The following MTRFR variants were observed in gnomAD, a reference collection of about 807,000 sequenced individuals.
MTRFR encodes mitochondrial translation release factor in rescue, also known as probable peptide chain release factor C12orf65, mitochondrial.
MTRFR carries 10 observed loss-of-function variants against 11.9 expected under a neutral mutation model. That is an observed-to-expected ratio of 0.84 (90% CI 0.52 to 1.42). MTRFR has a LOEUF of 1.42. Among genes scored for constraint, MTRFR ranks in the 40% most tolerant of loss-of-function variants. The pLI is 0.00. For missense variants in MTRFR, 196 were observed against 197.9 expected (o/e 0.99, Z 0.06); for synonymous variants, 77 against 79.1 (o/e 0.97, Z 0.14).
chr12:123,233,247 TCCAA>T (rs942338136), upstream of MTRFR: 35 of 152,188 alleles, frequency 2.3e-4, no homozygotes, highest in African/African-American at 8.0e-4. Context: ...CTCGCGCAGC[TCCAA>T]CCAAAGAGAG....
chr12:123,233,098 T>C (rs968025470), upstream of MTRFR: 16 of 152,188 alleles, frequency 1.1e-4, no homozygotes, highest in African/African-American at 3.6e-4. Context: ...CCGCTGCCGA[T>C]GTCAGGGTCA....
Position 123,256,993 on chromosome 12 carries a change from C to T in MTRFR, c.463C>T (p.Leu155Phe). The T allele has an allele frequency of 6.2e-7, 1 of 1,612,498 alleles. No individual in the cohort carries two copies. Among genetic ancestry groups the T allele is most frequent in the Non-Finnish European group, 8.5e-7 (1 of 1,179,776 alleles). ...AKETLEKKKL[L>F]KELWESSKKV... is the part of the protein sequence containing the mutation. ...GGAAACCCTGGAAAAAAAGAAGCTA[C>T]TTAAAGAACTGTGGGAGTCAAGTAA... The change falls in exon 3 of 3, where the codon CTT becomes TTT. Residue 155 changes from leucine (L) to phenylalanine (F), a missense_variant. Leu to Phe is a conservative substitution (Grantham distance 22). Transcript: ENST00000253233.
chr12:123,241,233 C>T (rs118093046), intron 1 of MTRFR, among the ~76,000 whole-genome samples: 4,768 of 151,522 alleles, frequency 0.031, 162 homozygotes, highest in Admixed American at 0.098. Context: ...TTCATGGGCT[C>T]CTCCCACCTC....
At chr12:123,245,375 G>T (rs1355361690) in intron 1 of MTRFR, among the ~76,000 whole-genome samples, 1 of 152,050 alleles carries the variant, frequency 6.6e-6, no homozygotes, top group African/African-American at 2.4e-5. Flanking sequence ...CTCTATTTTG[G>T]TTCCGTATGA....
In MTRFR at chr12:123,233,494, C is replaced by G. The variant is rs1042625352; in HGVS notation, c.-66C>G. 1 of 152,282 alleles carries G rather than the reference C, an allele frequency of 6.6e-6. No individual in the cohort carries two copies. Among genetic ancestry groups the G allele is most frequent in the African/African-American group, 2.4e-5 (1 of 41,472 alleles). The allele number at this position is 152,282 out of a possible 1,614,324, so 9.4% of individuals were successfully genotyped here. On this transcript the variant is annotated 5_prime_UTR_variant, in exon 1 of 3. Coordinates refer to ENST00000253233, the MANE Select transcript of MTRFR (RefSeq NM_152269.5). ...CTCCGCTGAGGTGATTTGGATATCC[C>G]TAGAACGTTGAGGGCACGAGTCGGG...
chr12:123,256,346 A>C (rs1478140305), intron 2 of MTRFR, among the ~76,000 whole-genome samples: 2 of 152,216 alleles, frequency 1.3e-5, no homozygotes, highest in African/African-American at 4.8e-5. Flanking sequence ...AAACAATCAC[A>C]CTGAAAGCCA....
rs538804885 is a variant in MTRFR, at chr12:123,235,531, A to AT, written c.-29+2014dup. 2.0e-3 allele frequency among the ~76,000 whole-genome samples: 289 copies of AT among 141,244 alleles called. 2 individuals are homozygous for AT. Among genetic ancestry groups the AT allele is most frequent in the African/African-American group, 3.2e-3 (124 of 38,614 alleles). The allele number at this position is 141,244 out of a possible 152,430, so 92.7% of individuals were successfully genotyped here. On this transcript the variant is annotated intron_variant, in intron 1 of 2. Transcript: ENST00000253233. The stretch of plus-strand genomic sequence containing the variant: ...AGGTGCCTGCCACCAGGCCCAGCTA[A>AT]TTTTTTTTTTTTTTGTATTTTTAGT...
chr12:123,234,431 T>G (rs949281455), intron 1 of MTRFR, among the ~76,000 whole-genome samples: 4 of 152,122 alleles, frequency 2.6e-5, no homozygotes, highest in Non-Finnish European at 4.4e-5. Context: ...GGTCTCTCTC[T>G]GTCACCCAGG....
intron 1 of MTRFR, chr12:123,243,715 TAAAA>T (rs902974336): frequency 3.3e-5 from 5 of 151,668 alleles, no homozygotes; most frequent in Non-Finnish European, 7.4e-5. Context: ...AAATAAAAAA[TAAAA>T]AAGAAATAGC....
intron 1 of MTRFR, among the ~76,000 whole-genome samples, chr12:123,251,747 G>T (rs547007288): frequency 6.6e-6 from 1 of 152,276 alleles, no homozygotes; most frequent in Admixed American, 6.5e-5. Context: ...GGTCCTCTCA[G>T]GATTGCTGGT....
intron 1 of MTRFR, among the ~76,000 whole-genome samples, chr12:123,237,194 C>G (rs914402489): frequency 2.0e-5 from 3 of 152,126 alleles, no homozygotes; most frequent in Non-Finnish European, 2.9e-5. Context: ...CTGTGGCTCA[C>G]GCCTGTAATC....
chr12:123,238,537 G>A (rs1358014962), intron 1 of MTRFR, among the ~76,000 whole-genome samples: 2 of 152,152 alleles, frequency 1.3e-5, no homozygotes, highest in East Asian at 1.9e-4. Flanking sequence ...TTTTGAGACC[G>A]AGGCAGGCAG....
At chr12:123,246,026 T>A (rs2048034758) in intron 1 of MTRFR, among the ~76,000 whole-genome samples, 1 of 152,176 alleles carries the variant, frequency 6.6e-6, no homozygotes, top group African/African-American at 2.4e-5. Flanking sequence ...TTGAGTATTA[T>A]GTTGGCTGTG....
rs185429244 is a variant in MTRFR, at chr12:123,251,877, A to C, written c.-28-1770A>C. Among the ~76,000 whole-genome samples, 10 of 152,284 alleles carry C rather than the reference A, an allele frequency of 6.6e-5. No homozygotes were observed. In the East Asian group the frequency reaches 1.9e-3, roughly 29 times the overall value. On this transcript the variant is annotated intron_variant, in intron 1 of 2. Coordinates refer to ENST00000253233, the MANE Select transcript of MTRFR (RefSeq NM_152269.5). ...CTATGATCCCAGGAGCTCCCATGCA[A>C]ATAAATTATGATCACAAGGTCCCAA...
At chr12:123,233,798 AC>A (rs1207691824) in intron 1 of MTRFR, 2 of 152,648 alleles carry the variant, frequency 1.3e-5, no homozygotes, top group Non-Finnish European at 2.9e-5. Context: ...AGGAGAGACT[AC>A]CGTCCTGGAG....
intron 1 of MTRFR, among the ~76,000 whole-genome samples, chr12:123,246,712 T>A (rs1180744678): frequency 1.9e-4 from 1 of 5,364 alleles, no homozygotes; most frequent in Non-Finnish European, 6.0e-3. Flanking sequence ...AATTTCAATT[T>A]TTTTTTTTTT....
intron 1 of MTRFR, among the ~76,000 whole-genome samples, chr12:123,236,858 C>T (rs2047859169): frequency 6.6e-6 from 1 of 151,758 alleles, no homozygotes; most frequent in Non-Finnish European, 1.5e-5. Flanking sequence ...CCGAGGCGGG[C>T]GGATCGCCTG....
In MTRFR at chr12:123,257,619, G is replaced by A. The variant is rs546970479; in HGVS notation, c.*588G>A. On this transcript the variant is annotated 3_prime_UTR_variant, in exon 3 of 3. Transcript: ENST00000253233. ...AGACAGGAAGATCACCTGAGCCCAG[G>A]AGCTCAAGATTGCAGTGAGCTATGA... 6.5e-6 allele frequency: 1 copy of A among 154,866 alleles called. No individual in the cohort carries two copies. The highest frequency in any genetic ancestry group is 2.4e-5 in the African/African-American group (1 of 41,544). The allele number at this position is 154,866 out of a possible 1,614,324, so 9.6% of individuals were successfully genotyped here.
At chr12:123,238,615 G>GAAAAGA (rs1341573882) in intron 1 of MTRFR, among the ~76,000 whole-genome samples, 1 of 151,950 alleles carries the variant, frequency 6.6e-6, no homozygotes, top group Admixed American at 6.6e-5. Flanking sequence ...TACTTTTTTA[G>GAAAAGA]AAAAGAAAAA....
Sources: gnomAD v4.1 joint callset for allele counts (sites outside exome capture counted in the v4.1 genomes callset) on GRCh38, gnomAD v4.1.1 for gene constraint, MANE v1.5 for transcripts, NCBI Gene and HGNC (gene_info 2026-07-23, HGNC 2026-07-21) for gene names.